The following PIGN variants were observed in gnomAD, a reference collection of about 807,000 sequenced individuals.
PIGN encodes the protein GPI ethanolamine phosphate transferase 1.
PIGN carries 117 observed loss-of-function variants against 125.4 expected under a neutral mutation model. The ratio of observed to expected loss-of-function variants is 0.93; its 90% CI spans 0.80 to 1.09. The LOEUF (loss-of-function observed/expected upper bound fraction) is 1.09, where lower values mean the gene tolerates loss of function less well. PIGN is among the 50% of genes least tolerant of loss of function. The pLI, the probability that PIGN is intolerant of heterozygous loss-of-function variation, is 0.00. For synonymous variants in PIGN, 392 were observed against 377.8 expected, an observed-to-expected ratio of 1.04 and a Z score of -0.44; for missense variants, 1,075 against 1,094.9, an observed-to-expected ratio of 0.98 and a Z score of 0.26.
At chr18:62,073,865 G>GA (rs748856281) in intron 29 of PIGN, among the ~76,000 whole-genome samples, 3 of 152,216 alleles carry the variant, frequency 2.0e-5, no homozygotes, top group Non-Finnish European at 2.9e-5. Flanking sequence ...GAATGTCATG[G>GA]AATGTCATGC....
At chr18:62,056,533 A>G (rs982594532) in intron 30 of PIGN, among the ~76,000 whole-genome samples, 1 of 150,878 alleles carries the variant, frequency 6.6e-6, no homozygotes, top group Non-Finnish European at 1.5e-5. Flanking sequence ...AACCGAGAAA[A>G]TACTGATAAA....
intron 1 of PIGN, among the ~76,000 whole-genome samples, chr18:62,170,582 C>T (rs1453231388): frequency 7.2e-5 from 11 of 152,252 alleles, no homozygotes; most frequent in African/African-American, 2.6e-4. Flanking sequence ...CTCCTTGGGC[C>T]TTGCTATTCC....
At position 62,157,719 on chromosome 18, in the gene PIGN, C is replaced by G. The variant is rs764908990; in HGVS notation, c.311G>C (p.Gly104Ala). 6.2e-7 allele frequency: 1 copy of G among 1,612,016 alleles called. No individual in the cohort carries two copies. The highest frequency in any genetic ancestry group is 8.5e-7 in the Non-Finnish European group (1 of 1,178,950). ...AACTGCACTGACATCTTCATAAAAC[C>G]CAGCTATCAGAGCTACATGACCTGG... ...SRPGHVALIA[G>A]FYEDVSAVAK... is the part of the protein sequence containing the mutation. The change falls in exon 5 of 31, where the codon GGG becomes GCG. Residue 104 changes from glycine (G) to alanine (A), a missense_variant. Coordinates refer to ENST00000640252, the MANE Select transcript of PIGN (RefSeq NM_176787.5).
In PIGN at chr18:62,073,170, G is replaced by GGTGTGTGTGTGT. The variant is rs34182707; in HGVS notation, c.2620-457_2620-446dup. On this transcript the variant is annotated intron_variant, in intron 29 of 30. Coordinates refer to ENST00000640252, the MANE Select transcript of PIGN (RefSeq NM_176787.5). Reference sequence around the variant, plus strand: ...TAAATAATTCCATCAAATTATCAGGGGTGTGTGTGTGTGTGTGTGTGTGTG... The same window carrying GGTGTGTGTGTGT: ...TAAATAATTCCATCAAATTATCAGGGGTGTGTGTGTGTGTGTGTGTGTGTGTGTGTGTGTGTG... Among the ~76,000 whole-genome samples the GGTGTGTGTGTGT allele has an allele frequency of 1.8e-3, 257 of 145,486 alleles. 1 individual carries two copies. The highest frequency in any genetic ancestry group is 0.016 in the East Asian group (76 of 4,854).
chr18:62,079,873 A>G (rs933173691), intron 28 of PIGN, among the ~76,000 whole-genome samples: 12 of 152,126 alleles, frequency 7.9e-5, no homozygotes, highest in Non-Finnish European at 1.5e-5. Flanking sequence ...TTCATATAAA[A>G]TTAATTTAAA....
At chr18:62,130,543 A>T (rs1177385413) in intron 14 of PIGN, among the ~76,000 whole-genome samples, 2 of 152,108 alleles carry the variant, frequency 1.3e-5, no homozygotes, top group African/African-American at 4.8e-5. Context: ...TAAGTTAAAA[A>T]AAAAGAGAGA....
At chr18:62,054,887 A>G (rs536144587) in intron 30 of PIGN, among the ~76,000 whole-genome samples, 1 of 152,364 alleles carries the variant, frequency 6.6e-6, no homozygotes, top group East Asian at 1.9e-4. Flanking sequence ...AAAATGATCA[A>G]AAGACATGAA....
rs1362423204 is a variant in PIGN, at chr18:62,143,318, T to C, written c.951A>G (p.Leu317=). The part of the protein sequence containing the change: ...KEWRLENWKR[L]DVNQADIAPL... ...TCGAACTGGATACCTGATTGACATC[T>C]AGCCTCTTCCAATTCTCCAATCTCC... The change falls in exon 11 of 31, where the codon CTA becomes CTG. Residue 317 remains leucine (L), a synonymous_variant. Transcript: ENST00000640252. 2.6e-6 allele frequency: 4 copies of C among 1,522,168 alleles called. No individual in the cohort carries two copies. Among genetic ancestry groups the C allele is most frequent in the Non-Finnish European group, 3.6e-6 (4 of 1,108,288 alleles). 94.3% of individuals were successfully genotyped at this position (1,522,168 alleles called of 1,614,324 possible).
intron 22 of PIGN, among the ~76,000 whole-genome samples, chr18:62,100,346 G>T (rs1325506583): frequency 1.3e-5 from 2 of 152,170 alleles, no homozygotes; most frequent in African/African-American, 4.8e-5. Flanking sequence ...GGGGAAGGGG[G>T]AACCTTTGTA....
At chr18:62,148,467 C>G (rs1050525711) in intron 7 of PIGN, 129 bp from the exon 8 acceptor site, 1 of 531,536 alleles carries the variant, frequency 1.9e-6, no homozygotes, top group Non-Finnish European at 3.1e-6. Flanking sequence ...AATCTGTGCT[C>G]AAGACCTACC....
At chr18:62,130,485 T>A (rs1397520387) in intron 14 of PIGN, among the ~76,000 whole-genome samples, 1 of 152,100 alleles carries the variant, frequency 6.6e-6, no homozygotes, top group East Asian at 1.9e-4. Flanking sequence ...ACTAAATTGT[T>A]TTTATTGAAA....
At chr18:62,057,384 T>A (rs1368791697) in intron 30 of PIGN, among the ~76,000 whole-genome samples, 1 of 151,978 alleles carries the variant, frequency 6.6e-6, no homozygotes, top group Non-Finnish European at 1.5e-5. Context: ...AAACTAGGAG[T>A]TGCCCTTGAT....
At chr18:62,074,058 G>C (rs929213767) in intron 29 of PIGN, among the ~76,000 whole-genome samples, 1 of 152,254 alleles carries the variant, frequency 6.6e-6, no homozygotes, top group Non-Finnish European at 1.5e-5. Context: ...AAGCCTGGTT[G>C]GCAATACTCC....
chr18:62,075,216 G>C (rs2145773256), intron 28 of PIGN: 1 of 166,740 alleles, frequency 6.0e-6, no homozygotes, highest in East Asian at 1.7e-4. Flanking sequence ...GCAGGACAAT[G>C]ACACTGATAC....
In PIGN at chr18:62,051,782, A is replaced by C. The variant is rs575551190; in HGVS notation, c.2673-5803T>G. The C allele has an allele frequency of 3.9e-5, 6 of 152,198 alleles. No individual in the cohort carries two copies. In the South Asian group the frequency reaches 1.0e-3, roughly 26 times the overall value. 9.4% of individuals were successfully genotyped at this position (152,198 alleles called of 1,614,324 possible). ...TTGCTCTTTCTTTTCTAGTTCGTTC[A>C]ATTGTGATGTTAAGGTGTCAATTTT... is the stretch of plus-strand genomic sequence containing the variant. On this transcript the variant is annotated intron_variant, in intron 30 of 30. Transcript: ENST00000640252.
intron 1 of PIGN, among the ~76,000 whole-genome samples, chr18:62,178,472 G>A (rs934717585): frequency 2.0e-5 from 3 of 151,576 alleles, no homozygotes; most frequent in Admixed American, 1.3e-4. Flanking sequence ...ACAAACCTAC[G>A]ATGTGAAGTA....
At chr18:62,028,367 C>T (rs1599375991) in intron 23 of PIGN, among the ~76,000 whole-genome samples, 2 of 152,200 alleles carry the variant, frequency 1.3e-5, no homozygotes, top group African/African-American at 4.8e-5. Flanking sequence ...ATGAATCAAA[C>T]CCTCTTGGCG....
At chr18:62,158,893 C>T (rs1294945245) in intron 4 of PIGN, among the ~76,000 whole-genome samples, 1 of 152,188 alleles carries the variant, frequency 6.6e-6, no homozygotes, top group African/African-American at 2.4e-5. Context: ...AATGTGGATA[C>T]TCTATTTAAA....
rs950053129 is a variant in PIGN at position 62,041,389 on chromosome 18, A to G, written c.*4467T>C. The stretch of plus-strand genomic sequence containing the variant: ...AAAGTTTTCTCACATTAAGGGTTAA[A>G]GTAAAAATGGTATTCCAGTTCTCAG... On this transcript the variant is annotated 3_prime_UTR_variant, in exon 31 of 31. Transcript: ENST00000640252. 2 of 152,224 alleles carry G rather than the reference A, an allele frequency of 1.3e-5. No homozygotes were observed. Among genetic ancestry groups the G allele is most frequent in the Non-Finnish European group, 2.9e-5 (2 of 68,030 alleles). The allele number at this position is 152,224 out of a possible 1,614,324, so 9.4% of individuals were successfully genotyped here. A position where few individuals can be genotyped will look rare whatever the true frequency, so the allele number is the denominator to read the frequency against.
Sources: allele counts gnomAD v4.1 joint callset (sites outside exome capture counted in the v4.1 genomes callset), GRCh38; gene constraint gnomAD v4.1.1; transcripts MANE v1.5; gene names NCBI Gene and HGNC (gene_info 2026-07-23, HGNC 2026-07-21).